The following ERBIN variants were observed in gnomAD, a reference collection of about 807,000 sequenced individuals.
ERBIN encodes erbb2 interacting protein, also known as densin-180-like protein.
ERBIN carries 60 observed loss-of-function variants against 158.4 expected under a neutral mutation model. The ratio of observed to expected loss-of-function variants is 0.38; its 90% CI spans 0.31 to 0.47. The LOEUF (loss-of-function observed/expected upper bound fraction) is 0.47, where lower values mean the gene tolerates loss of function less well. Among genes scored for constraint, ERBIN ranks in the 20% least tolerant of loss-of-function variants. The probability of loss-of-function intolerance (pLI) is 0.99; values close to 1 mark genes in which losing one functional copy is unlikely to be tolerated. For synonymous variants in ERBIN, 594 were observed against 557.2 expected, an observed-to-expected ratio of 1.07 and a Z score of -0.93; for missense variants, 1,610 against 1,648.0, an observed-to-expected ratio of 0.98 and a Z score of 0.40.
At chr5:65,986,116 TATTTC>T (rs1194175119) in intron 1 of ERBIN, among the ~76,000 whole-genome samples, 1 of 152,210 alleles carries the variant, frequency 6.6e-6, no homozygotes, top group Non-Finnish European at 1.5e-5. Flanking sequence ...GATCTCATCT[TATTTC>T]ATTGCTTTAA....
chr5:65,991,905 A>G (rs1751906078), intron 2 of ERBIN, among the ~76,000 whole-genome samples: 1 of 152,214 alleles, frequency 6.6e-6, no homozygotes, highest in African/African-American at 2.4e-5. Context: ...TACTTGGGGT[A>G]GGTGGGAATT....
chr5:65,978,321 G>GTC (rs1239435551), intron 1 of ERBIN, among the ~76,000 whole-genome samples: 1 of 152,006 alleles, frequency 6.6e-6, no homozygotes, highest in Non-Finnish European at 1.5e-5. Flanking sequence ...GGTTAATTCT[G>GTC]TCTGAGATGT....
intron 7 of ERBIN, 78 bp from the exon 8 acceptor site, chr5:66,021,244 A>G (rs1755650212): frequency 2.5e-6 from 2 of 788,974 alleles, no homozygotes; most frequent in East Asian, 5.8e-5. Context: ...ATTCCATAAG[A>G]ATGTTTTAGA....
chr5:65,996,473 GCTGT>G (rs1752454552), intron 4 of ERBIN, among the ~76,000 whole-genome samples: 1 of 151,886 alleles, frequency 6.6e-6, no homozygotes, highest in Admixed American at 6.6e-5. Context: ...TTATTTTTGG[GCTGT>G]CTATTCTGTT....
chr5:66,058,330 G>A (rs1186545054), intron 21 of ERBIN, among the ~76,000 whole-genome samples: 5 of 152,010 alleles, frequency 3.3e-5, no homozygotes, highest in South Asian at 2.1e-4. Flanking sequence ...GGCTGCATAA[G>A]TGTCTTCTTT....
intron 22 of ERBIN, 88 bp from the exon 23 acceptor site, chr5:66,074,936 T>C (rs1406258835): frequency 8.5e-7 from 1 of 1,169,730 alleles, no homozygotes; most frequent in Non-Finnish European, 1.2e-6. Context: ...AAAACTCTAG[T>C]GCTTTTGTAA....
At chr5:66,061,155 T>C (rs888183443) in intron 21 of ERBIN, among the ~76,000 whole-genome samples, 4 of 152,166 alleles carry the variant, frequency 2.6e-5, no homozygotes, top group African/African-American at 9.7e-5. Flanking sequence ...TGTTAAAGTC[T>C]CCCATTATTA....
intron 21 of ERBIN, among the ~76,000 whole-genome samples, chr5:66,067,521 A>G (rs1761110438): frequency 6.6e-6 from 1 of 152,172 alleles, no homozygotes; most frequent in Non-Finnish European, 1.5e-5. Context: ...GAACAGCGGG[A>G]ATCAGGCAGT....
At chr5:66,046,820 T>C (rs559296397) in intron 18 of ERBIN, among the ~76,000 whole-genome samples, 1 of 152,300 alleles carries the variant, frequency 6.6e-6, no homozygotes, top group Admixed American at 6.5e-5. Context: ...AAAAGACTAC[T>C]ATAGGCATAC....
rs1759562802 is a variant in ERBIN, at chr5:66,056,258, AAG to A, written c.3633+1310_3633+1311del. On this transcript the variant is annotated intron_variant, in intron 21 of 25. Coordinates refer to ENST00000284037, the MANE Select transcript of ERBIN (RefSeq NM_001253697.2). ...GAGAGCTCTGAAATAGACTTTTAAC[AAG>A]AGTTTACTTCTGATTGAATATTCCT... Among the ~76,000 whole-genome samples, 3 of 152,340 alleles carry A rather than the reference AAG, an allele frequency of 2.0e-5. No individual in the cohort carries two copies. The South Asian group carries it at 6.2e-4, about 32-fold the overall frequency.
intron 14 of ERBIN, 36 bp from the exon 15 acceptor site, chr5:66,038,347 G>A: frequency 7.2e-7 from 1 of 1,386,740 alleles, no homozygotes; most frequent in Admixed American, 1.8e-5. Context: ...TTGCTTTAGG[G>A]TTATTGAAAA....
At chr5:65,941,983 G>A (rs1580094896) in intron 1 of ERBIN, among the ~76,000 whole-genome samples, 1 of 152,102 alleles carries the variant, frequency 6.6e-6, no homozygotes, top group Non-Finnish European at 1.5e-5. Context: ...CTCGTGATGC[G>A]CCCGCCTCGG....
chr5:65,968,029 C>T (rs752193642), intron 1 of ERBIN, among the ~76,000 whole-genome samples: 16 of 152,144 alleles, frequency 1.1e-4, no homozygotes, highest in Non-Finnish European at 7.4e-5. Context: ...TAGCCTTGGA[C>T]GTCATGTAGC....
At chr5:65,948,532 C>G (rs1039593661) in intron 1 of ERBIN, among the ~76,000 whole-genome samples, 1 of 151,970 alleles carries the variant, frequency 6.6e-6, no homozygotes, top group South Asian at 2.1e-4. Flanking sequence ...ACAAAACGCT[C>G]AGGGAAGATA....
chr5:65,993,371 A>G (rs751433502), intron 3 of ERBIN, among the ~76,000 whole-genome samples: 7 of 152,168 alleles, frequency 4.6e-5, no homozygotes, highest in African/African-American at 1.4e-4. Context: ...TCCATTTACA[A>G]TTTGTTTGGA....
chr5:66,018,592 A>ATTATATTATATAATATATATTATATT (rs1262309309), intron 7 of ERBIN, among the ~76,000 whole-genome samples: 1 of 61,588 alleles, frequency 1.6e-5, no homozygotes, highest in East Asian at 3.8e-4. Context: ...TATATTATAT[A>ATTATATTATATAATATATATTATATT]ATATATATTA....
chr5:65,944,910 C>A (rs1009281108), intron 1 of ERBIN, among the ~76,000 whole-genome samples: 1 of 151,886 alleles, frequency 6.6e-6, no homozygotes, highest in African/African-American at 2.4e-5. Flanking sequence ...ATATTTTCTC[C>A]CATTCTCTGG....
chr5:66,026,222 C>A, intron 12 of ERBIN, 80 bp from the exon 13 acceptor site: 1 of 890,922 alleles, frequency 1.1e-6, no homozygotes, highest in Non-Finnish European at 1.7e-6. Flanking sequence ...TTTTTCATAA[C>A]TTTCAAAAAT....
intron 1 of ERBIN, among the ~76,000 whole-genome samples, chr5:65,949,584 G>A (rs1158190654): frequency 6.6e-6 from 1 of 152,146 alleles, no homozygotes; most frequent in Non-Finnish European, 1.5e-5. Flanking sequence ...ATTAGTTGTC[G>A]TTTAGAAAAA....
Sources: allele counts gnomAD v4.1 joint callset (sites outside exome capture counted in the v4.1 genomes callset), GRCh38; gene constraint gnomAD v4.1.1; transcripts MANE v1.5; gene names NCBI Gene and HGNC (gene_info 2026-07-23, HGNC 2026-07-21).